The following TGIF1 variants were observed in gnomAD, a reference collection of about 807,000 sequenced individuals.
The protein encoded by TGIF1 is homeobox protein TGIF1.
In TGIF1, 4 loss-of-function variants were observed where a neutral mutation model predicts 19.3. The observed-to-expected ratio is 0.21, with a 90% confidence interval of 0.10 to 0.47. The LOEUF (loss-of-function observed/expected upper bound fraction) is 0.47, where lower values mean the gene tolerates loss of function less well. Among genes scored for constraint, TGIF1 ranks in the 20% least tolerant of loss-of-function variants. TGIF1 has a pLI of 0.98. For missense variants in TGIF1, 275 were observed against 341.4 expected, an observed-to-expected ratio of 0.81 and a Z score of 1.53; for synonymous variants, 122 against 129.3, an observed-to-expected ratio of 0.94 and a Z score of 0.38.
intron 2 of TGIF1, among the ~76,000 whole-genome samples, chr18:3,421,507 G>A (rs1010330819): frequency 6.6e-6 from 1 of 151,246 alleles, no homozygotes; most frequent in Non-Finnish European, 1.5e-5. Flanking sequence ...CCACCTCCCA[G>A]GTTCAGGTGA....
At chr18:3,449,399 A>G, upstream of TGIF1, 8 of 985,400 alleles carry the variant, frequency 8.1e-6, no homozygotes, top group Non-Finnish European at 9.6e-6. Context: ...GTCCCCGGGC[A>G]GAGACGTTTA....
chr18:3,417,455 T>C (rs924931225), intron 1 of TGIF1, among the ~76,000 whole-genome samples: 1 of 152,198 alleles, frequency 6.6e-6, no homozygotes, highest in Non-Finnish European at 1.5e-5. Context: ...CCACCGTGCC[T>C]ACCCTGTTTG....
intron 2 of TGIF1, among the ~76,000 whole-genome samples, chr18:3,426,352 A>G (rs993232141): frequency 1.3e-4 from 20 of 151,938 alleles, no homozygotes; most frequent in South Asian, 2.1e-4. Context: ...TGTTTTGTAT[A>G]GAGACAGGGT....
At chr18:3,452,431 G>A (rs1182936688) in intron 1 of TGIF1, 18 of 1,612,100 alleles carry the variant, frequency 1.1e-5, no homozygotes, top group Non-Finnish European at 1.5e-5. Flanking sequence ...GCTCTTTGGG[G>A]GAGCCGAGGC....
rs1467092222 is a variant in TGIF1, at chr18:3,456,780, A to C, written c.243+200A>C. 1 of 683,036 alleles carries C rather than the reference A, an allele frequency of 1.5e-6. No homozygotes were observed. Among genetic ancestry groups the C allele is most frequent in the Non-Finnish European group, 2.6e-6 (1 of 380,002 alleles). 42.3% of individuals were successfully genotyped at this position (683,036 alleles called of 1,614,324 possible). On this transcript the variant is annotated intron_variant, in intron 2 of 2. Transcript: ENST00000343820. The surrounding 1 kb of genome is among the most constrained non-coding windows in gnomAD (Gnocchi z 4.2). ...AACACTTGACAGTCATCTATCAGAT[A>C]GCATTTCCTTTAATGCCTAAAAGAA...
intron 2 of TGIF1, among the ~76,000 whole-genome samples, chr18:3,427,240 A>G (rs8088905): frequency 0.13 from 18,978 of 150,240 alleles, 1,566 homozygotes; most frequent in African/African-American, 0.25. Context: ...CACCGCGCCC[A>G]GCCAATGATC....
intron 2 of TGIF1, among the ~76,000 whole-genome samples, chr18:3,426,104 C>T (rs940822843): frequency 4.6e-5 from 7 of 150,988 alleles, no homozygotes; most frequent in Non-Finnish European, 8.8e-5. Flanking sequence ...CCCCCAACTT[C>T]GAATTTCCTG....
At chr18:3,447,666 G>A (rs1477961880), upstream of TGIF1, 6 of 1,576,980 alleles carry the variant, frequency 3.8e-6, no homozygotes, top group African/African-American at 6.8e-5. Context: ...TGGGCTGTAA[G>A]CTTTCGCTAC....
rs1003087799 is a variant in TGIF1, at chr18:3,451,591, C to A, written c.16+1086C>A. The A allele has an allele frequency of 2.9e-6, 3 of 1,044,446 alleles. No homozygotes were observed. The highest frequency in any genetic ancestry group is 1.1e-4 in the Admixed American group (2 of 18,382). The allele number at this position is 1,044,446 out of a possible 1,614,324, so 64.7% of individuals were successfully genotyped here. ...CGGGAGCCGCCTGGAGTTTGGAACT[C>A]CACATTCTTTCAGACCCGGCCCGCT... On this transcript the variant is annotated intron_variant, in intron 1 of 2. Transcript: ENST00000343820. The surrounding 1 kb of genome is among the most constrained non-coding windows in gnomAD (Gnocchi z 5.4).
upstream of TGIF1, among the ~76,000 whole-genome samples, chr18:3,446,756 T>C (rs1445922574): frequency 6.6e-6 from 1 of 152,166 alleles, no homozygotes; most frequent in South Asian, 2.1e-4. Context: ...CAAGACCCTC[T>C]GACCTGAGAT....
chr18:3,415,315 C>T (rs1488293432), intron 1 of TGIF1: 5 of 312,908 alleles, frequency 1.6e-5, no homozygotes, highest in African/African-American at 8.5e-5. Context: ...GTCCACACAC[C>T]TGGATGAGCA....
chr18:3,435,201 T>A (rs34339768), intron 2 of TGIF1, among the ~76,000 whole-genome samples: 11,741 of 151,710 alleles, frequency 0.077, 598 homozygotes, highest in Non-Finnish European at 0.11. Context: ...CTATATATAT[T>A]TTTTTTTTTG....
intron 2 of TGIF1, among the ~76,000 whole-genome samples, chr18:3,431,116 A>G (rs1372263128): frequency 6.6e-6 from 1 of 152,208 alleles, no homozygotes; most frequent in Admixed American, 6.5e-5. Flanking sequence ...AGGAGCTCCC[A>G]CTGGCCAAAT....
chr18:3,426,722 A>C (rs1373156654), intron 2 of TGIF1, among the ~76,000 whole-genome samples: 1 of 152,160 alleles, frequency 6.6e-6, no homozygotes, highest in Non-Finnish European at 1.5e-5. Context: ...ATTTTTTGAC[A>C]TAAGAATCAC....
intron 1 of TGIF1, among the ~76,000 whole-genome samples, chr18:3,452,722 C>T (rs1478506907): frequency 2.0e-5 from 3 of 152,160 alleles, no homozygotes; most frequent in African/African-American, 7.2e-5. Flanking sequence ...GAGGGGGGAG[C>T]CTTCCCCGTC....
chr18:3,444,103 G>A (rs1447127270), intron 2 of TGIF1, among the ~76,000 whole-genome samples: 2 of 151,074 alleles, frequency 1.3e-5, no homozygotes, highest in Non-Finnish European at 3.0e-5. Context: ...GTGCCACCAT[G>A]CCCAGCTAAT....
At chr18:3,449,282 G>A (rs953919379), upstream of TGIF1, 82 of 514,010 alleles carry the variant, frequency 1.6e-4, no homozygotes, top group Non-Finnish European at 1.9e-4. Context: ...CGAAACAGAC[G>A]AGCAGGCACG....
upstream of TGIF1, chr18:3,447,808 A>T (rs376670877): frequency 4.3e-6 from 7 of 1,613,942 alleles, no homozygotes; most frequent in Non-Finnish European, 5.9e-6. Flanking sequence ...GTGAGTTCAC[A>T]TCTCCGTTTT....
rs1387147761 is a variant in TGIF1, at chr18:3,427,545, C to T, written c.-45+9330C>T. On this transcript the variant is annotated intron_variant, in intron 2 of 3. Transcript: ENST00000401449. ...ATCTCAAGTGATCCGCCTGCCTCAG[C>T]CTCCCAGAGTGCTAGGATTACAGGC... Among the ~76,000 whole-genome samples the T allele has an allele frequency of 3.3e-5, 5 of 152,012 alleles. No homozygotes were observed. The South Asian group carries it at 1.0e-3, about 32-fold the overall frequency.
Sources: gnomAD v4.1 joint callset for allele counts (sites outside exome capture counted in the v4.1 genomes callset) on GRCh38, gnomAD v4.1.1 for gene constraint, Gnocchi (gnomAD v3.1) non-coding constraint, MANE v1.5 for transcripts, NCBI Gene and HGNC (gene_info 2026-07-23, HGNC 2026-07-21) for gene names.